PALS2: variants seen among roughly 807,000 people sequenced by gnomAD.
The protein encoded by PALS2 is protein associated with LIN7 2, MAGUK p55 family member.
A neutral mutation model predicts 61.6 loss-of-function variants in PALS2; 27 were observed. The observed-to-expected ratio is 0.44, with a 90% CI of 0.32 to 0.60. PALS2 has a LOEUF of 0.60. Ranked by LOEUF, PALS2 falls within the 20% of genes least tolerant of loss-of-function variation. The pLI is 0.05. For missense variants in PALS2, 554 were observed against 639.4 expected, an observed-to-expected ratio of 0.87 and a Z score of 1.44; for synonymous variants, 236 against 218.6, an observed-to-expected ratio of 1.08 and a Z score of -0.70.
chr7:24,602,208 C>T (rs538092882), intron 1 of PALS2, among the ~76,000 whole-genome samples: 1 of 151,886 alleles, frequency 6.6e-6, no homozygotes, highest in African/African-American at 2.4e-5. Context: ...TCTTTTGTTT[C>T]CTCTGTAACT....
chr7:24,575,774 T>TA (rs1049417109), intron 1 of PALS2, among the ~76,000 whole-genome samples: 4 of 152,182 alleles, frequency 2.6e-5, no homozygotes, highest in East Asian at 3.8e-4. Context: ...AGGCTAATTG[T>TA]AAAAAAACAG....
intron 5 of PALS2, among the ~76,000 whole-genome samples, chr7:24,663,283 G>A (rs1786834601): frequency 6.6e-6 from 1 of 152,140 alleles, no homozygotes; most frequent in African/African-American, 2.4e-5. Context: ...AAATTATGCA[G>A]TGTTGGTTGG....
intron 2 of PALS2, among the ~76,000 whole-genome samples, chr7:24,635,656 G>A (rs1785200342): frequency 6.6e-6 from 1 of 152,142 alleles, no homozygotes; most frequent in Non-Finnish European, 1.5e-5. Context: ...TCTTTCACTA[G>A]TAAATATAAT....
At chr7:24,677,838 C>T (rs1433754318) in intron 9 of PALS2, among the ~76,000 whole-genome samples, 2 of 152,126 alleles carry the variant, frequency 1.3e-5, no homozygotes, top group Non-Finnish European at 1.5e-5. Context: ...CAAGGTTGAG[C>T]CAGAAAACAA....
intron 1 of PALS2, among the ~76,000 whole-genome samples, chr7:24,583,987 G>T (rs1365792027): frequency 6.6e-6 from 1 of 150,832 alleles, no homozygotes; most frequent in Admixed American, 6.6e-5. Context: ...CAAAGGACAT[G>T]AACTCATCAT....
At chr7:24,602,734 G>A (rs1479922238) in intron 1 of PALS2, among the ~76,000 whole-genome samples, 1 of 152,090 alleles carries the variant, frequency 6.6e-6, no homozygotes, top group African/African-American at 2.4e-5. Flanking sequence ...GGAGGAAGGT[G>A]GGTGATATGG....
At chr7:24,613,709 T>C (rs1258883015) in intron 1 of PALS2, among the ~76,000 whole-genome samples, 1 of 151,824 alleles carries the variant, frequency 6.6e-6, no homozygotes, top group East Asian at 1.9e-4. Context: ...GCTGTAATTT[T>C]GTGTCCTTTA....
chr7:24,582,009 A>G (rs1782864472), intron 1 of PALS2, among the ~76,000 whole-genome samples: 1 of 152,246 alleles, frequency 6.6e-6, no homozygotes, highest in South Asian at 2.1e-4. Flanking sequence ...TCATTCTTAT[A>G]TAAGCCAATG....
chr7:24,654,559 A>G (rs1786319532), intron 5 of PALS2, among the ~76,000 whole-genome samples: 1 of 152,152 alleles, frequency 6.6e-6, no homozygotes, highest in Non-Finnish European at 1.5e-5. Context: ...GAATAAATTA[A>G]CCAAAAAAAT....
At chr7:24,677,036 T>A (rs1368151011) in intron 9 of PALS2, among the ~76,000 whole-genome samples, 2 of 151,678 alleles carry the variant, frequency 1.3e-5, no homozygotes, top group Non-Finnish European at 2.9e-5. Context: ...TTTGTTTGTA[T>A]CCTCTTTTAT....
intron 3 of PALS2, among the ~76,000 whole-genome samples, chr7:24,649,161 A>G (rs988120695): frequency 6.6e-6 from 1 of 152,168 alleles, no homozygotes; most frequent in African/African-American, 2.4e-5. Flanking sequence ...TTTTCTACAT[A>G]TAAAAAGTAT....
At chr7:24,600,679 T>G (rs1783688719) in intron 1 of PALS2, among the ~76,000 whole-genome samples, 2 of 152,300 alleles carry the variant, frequency 1.3e-5, no homozygotes, top group South Asian at 4.1e-4. Flanking sequence ...TAACTATTTT[T>G]TATAGGTTTT....
intron 2 of PALS2, among the ~76,000 whole-genome samples, chr7:24,627,548 C>T (rs1784799623): frequency 6.6e-6 from 1 of 151,884 alleles, no homozygotes; most frequent in Non-Finnish European, 1.5e-5. Context: ...CATGAAAAAC[C>T]CTTCAAAAAA....
intron 1 of PALS2, among the ~76,000 whole-genome samples, chr7:24,594,012 A>G (rs967135216): frequency 1.3e-5 from 2 of 152,100 alleles, no homozygotes; most frequent in African/African-American, 4.8e-5. Context: ...CTGAAAATCT[A>G]TCTGTTGTGT....
At chr7:24,670,034 A>C (rs1425909821) in intron 9 of PALS2, among the ~76,000 whole-genome samples, 2 of 152,060 alleles carry the variant, frequency 1.3e-5, no homozygotes, top group African/African-American at 4.8e-5. Flanking sequence ...GTCACTTTTC[A>C]TTGTTTTTGC....
rs76000053 is a variant in PALS2, at chr7:24,647,663, C to T, written c.271-1949C>T. ...AACTGGGCTGCTTAGTGCATTTCTA[C>T]TGAAGAGGCAGGAATGTACTTGATC... On this transcript the variant is annotated intron_variant, in intron 3 of 11. Transcript: ENST00000222644. 7.9e-3 allele frequency among the ~76,000 whole-genome samples: 1,205 copies of T among 152,314 alleles called. 30 individuals are homozygous for T. In the East Asian group the frequency reaches 0.089, roughly 11 times the overall value.
intron 11 of PALS2, among the ~76,000 whole-genome samples, chr7:24,686,676 G>A (rs940199499): frequency 3.9e-5 from 6 of 152,122 alleles, no homozygotes; most frequent in East Asian, 1.9e-4. Flanking sequence ...CTAAAGGATA[G>A]GAACCCTCTC....
chr7:24,691,172 A>G lies in PALS2; in HGVS notation c.*3558A>G, dbSNP rs1274232955. 1.3e-5 allele frequency: 2 copies of G among 151,960 alleles called. No homozygotes were observed. Among genetic ancestry groups the G allele is most frequent in the African/African-American group, 4.8e-5 (2 of 41,424 alleles). The allele number at this position is 151,960 out of a possible 1,614,324, so 9.4% of individuals were successfully genotyped here. A position where few individuals can be genotyped will look rare whatever the true frequency, so the allele number is the denominator to read the frequency against. On this transcript the variant is annotated 3_prime_UTR_variant, in exon 12 of 12. Coordinates refer to ENST00000222644, the MANE Select transcript of PALS2 (RefSeq NM_001303037.2). Reference sequence around the variant, plus strand: ...AAAATTATTTTGAATTGGCAAACTAAAGATAACAATTTTGAAAATTGCTCA... The same window carrying G: ...AAAATTATTTTGAATTGGCAAACTAGAGATAACAATTTTGAAAATTGCTCA...
intron 5 of PALS2, among the ~76,000 whole-genome samples, chr7:24,659,529 A>G (rs1786606967): frequency 6.6e-6 from 1 of 152,208 alleles, no homozygotes; most frequent in Admixed American, 6.5e-5. Flanking sequence ...AGTAATAACC[A>G]TTCTTAACCT....
Sources: allele counts gnomAD v4.1 joint callset (sites outside exome capture counted in the v4.1 genomes callset), GRCh38; gene constraint gnomAD v4.1.1; transcripts MANE v1.5; gene names NCBI Gene and HGNC (gene_info 2026-07-23, HGNC 2026-07-21).